The following CNTN2 variants were observed in gnomAD, a reference collection of about 807,000 sequenced individuals.
The protein encoded by CNTN2 is contactin-2.
Under a neutral mutation model 117.5 loss-of-function variants are expected in CNTN2, and 53 were observed. The ratio of observed to expected loss-of-function variants is 0.45; its 90% CI spans 0.36 to 0.57. The LOEUF (loss-of-function observed/expected upper bound fraction) is 0.57, where lower values mean the gene tolerates loss of function less well. Ranked by LOEUF, CNTN2 falls within the 20% of genes least tolerant of loss-of-function variation. CNTN2 has a pLI of 0.00. For missense variants in CNTN2, 1,106 were observed against 1,404.3 expected (o/e 0.79, Z 3.39); for synonymous variants, 530 against 561.7 (o/e 0.94, Z 0.80).
chr1:205,073,055 C>T lies in CNTN2; in HGVS notation c.2845-13C>T. 6.2e-7 allele frequency: 1 copy of T among 1,613,796 alleles called. No individual in the cohort carries two copies. The highest frequency in any genetic ancestry group is 1.1e-5 in the South Asian group (1 of 91,000). ...GTGTCAGGAAACTCCACCTGGAAAC[C>T]TCCTTCCCACAGATGCTGTACCAGA... On this transcript the variant is annotated splice_polypyrimidine_tract_variant and intron_variant, in intron 21 of 22. Coordinates refer to ENST00000331830, the MANE Select transcript of CNTN2 (RefSeq NM_005076.5). This position sits in a 1 kb window ranked among gnomAD's most constrained non-coding sequence, Gnocchi z 6.3.
At chr1:205,064,542 T>C in intron 11 of CNTN2, 70 bp downstream of exon 11, 1 of 1,596,972 alleles carries the variant, frequency 6.3e-7, no homozygotes, top group Non-Finnish European at 8.6e-7. Flanking sequence ...ATTCCCCTCC[T>C]GTGACAACAG....
intron 1 of CNTN2, among the ~76,000 whole-genome samples, chr1:205,046,075 G>A (rs991516308): frequency 1.3e-5 from 2 of 152,168 alleles, no homozygotes; most frequent in Non-Finnish European, 2.9e-5. Context: ...AAACCACCCA[G>A]AGGCTGTTGC....
chr1:205,043,559 C>A (rs2151178913), intron 1 of CNTN2, among the ~76,000 whole-genome samples, 165 bp downstream of exon 1: 1 of 152,288 alleles, frequency 6.6e-6, no homozygotes, highest in Non-Finnish European at 1.5e-5. Context: ...CTCCCCTCAG[C>A]CCCAGGGTGG....
rs907497961 is a variant in CNTN2 at position 205,058,009 on chromosome 1, G to T, written c.159G>T (p.Thr53=). ...PLSVLFPEES[T]EEQVLLACRA... ...GTGTGCTATTCCCAGAGGAGTCCAC[G>T]GAGGAGCAGGTGTTGCTGGCATGCC... The change falls in exon 3 of 23, where the codon ACG becomes ACT. Residue 53 remains threonine, a synonymous_variant. Transcript: ENST00000331830. This position sits in a 1 kb window ranked among gnomAD's most constrained non-coding sequence, Gnocchi z 4.3. The T allele has an allele frequency of 3.9e-5, 63 of 1,614,124 alleles. No homozygotes were observed. The highest frequency in any genetic ancestry group is 5.3e-5 in the Non-Finnish European group (63 of 1,180,028).
Position 205,077,619 on chromosome 1 carries a change from C to T in CNTN2, c.*3854C>T, listed in dbSNP as rs970030888. On this transcript the variant is annotated 3_prime_UTR_variant, in exon 23 of 23. Transcript: ENST00000331830. ...AGGCACCTGGTAGCTGCGGAACACC[C>T]GTGGACTTGTGTATATGGTCATAGG... 3.9e-5 allele frequency: 6 copies of T among 152,224 alleles called. No individual in the cohort carries two copies. The highest frequency in any genetic ancestry group is 5.9e-5 in the Non-Finnish European group (4 of 68,068). The allele number at this position is 152,224 out of a possible 1,614,324, so 9.4% of individuals were successfully genotyped here.
rs149630443 is a variant in CNTN2, at chr1:205,053,248, C to T, written c.63C>T (p.Ser21=). The change falls in exon 2 of 23, where the codon TCC becomes TCT. Residue 21 remains serine (S), a synonymous_variant. Coordinates refer to ENST00000331830, the MANE Select transcript of CNTN2 (RefSeq NM_005076.5). ...TGGTAGCTGCTGTGGCCCTTGTCTC[C>T]TCTTCAGGTAAGAGGGCTCATCTGG... ...LLLVAAVALV[S]SSAWSSALGS... The T allele has an allele frequency of 7.5e-4, 1,210 of 1,612,632 alleles. 2 individuals are homozygous for T. The highest frequency in any genetic ancestry group is 1.7e-3 in the South Asian group (152 of 90,728).
chr1:205,064,724 A>T lies in CNTN2; in HGVS notation c.1493A>T (p.Asn498Ile). The T allele has an allele frequency of 6.2e-7, 1 of 1,614,152 alleles. No homozygotes were observed. Residue 498 changes from asparagine (N) to isoleucine (I), a missense_variant, in exon 12 of 23, where the codon AAC becomes ATC. Asn to Ile is a moderately radical substitution (Grantham distance 149). Transcript: ENST00000331830. Reference sequence around the variant, plus strand: ...GCTGAGAACTTCATGGGCAAAGCCAACAGCACTGGAATCCTATCTGTGCGA... The same window carrying T: ...GCTGAGAACTTCATGGGCAAAGCCATCAGCACTGGAATCCTATCTGTGCGA... ...CFAENFMGKA[N>I]STGILSVRDA...
intron 20 of CNTN2, 122 bp downstream of exon 20, chr1:205,072,255 A>C: frequency 9.3e-7 from 1 of 1,071,188 alleles, no homozygotes; most frequent in Non-Finnish European, 1.3e-6. Context: ...CTGAACAGAA[A>C]TTAGGCAGCG....
At position 205,069,540 on chromosome 1, in the gene CNTN2, A is replaced by T; in HGVS notation, c.2175A>T (p.Gly725=). ...SGLSGGGGAP[G]ELIVNWTPMS... is the part of the protein sequence containing the mutation. ...TCAGCGGAGGAGGTGGAGCCCCCGG[A>T]GAGCTCATCGTCAACTGGACGGTAA... is the stretch of plus-strand genomic sequence containing the variant. Residue 725 remains glycine (G), a synonymous_variant, in exon 17 of 23, where the codon GGA becomes GGT. Coordinates refer to ENST00000331830, the MANE Select transcript of CNTN2 (RefSeq NM_005076.5). 5 of 1,613,802 alleles carry T rather than the reference A, an allele frequency of 3.1e-6. No homozygotes were observed. The highest frequency in any genetic ancestry group is 4.2e-6 in the Non-Finnish European group (5 of 1,180,006).
Position 205,061,226 on chromosome 1 carries a change from G to T in CNTN2, c.798-19G>T. 6.3e-7 allele frequency: 1 copy of T among 1,594,716 alleles called. No homozygotes were observed. The highest frequency in any genetic ancestry group is 1.8e-4 in the Middle Eastern group (1 of 5,480). On this transcript the variant is annotated intron_variant, in intron 7 of 22. Transcript: ENST00000331830. The surrounding 1 kb of genome is among the most constrained non-coding windows in gnomAD (Gnocchi z 4.8). ...GGCCCAGCTCAGCCCACACCCTCTG[G>T]CTTTGTCTCTCCTGCCAGCCCTGTC...
rs980146480 is a variant in CNTN2 at position 205,048,724 on chromosome 1, G to A, written c.-86-4376G>A. 6.6e-6 allele frequency among the ~76,000 whole-genome samples: 1 copy of A among 152,188 alleles called. No individual in the cohort carries two copies. Among genetic ancestry groups the A allele is most frequent in the African/African-American group, 2.4e-5 (1 of 41,442 alleles). ...CGGTGAACTCATGAGCGCATTCTAGGCTGCACTCGGGCGGTCGGGGAGCTC... is the reference window on the plus strand; with the variant it reads ...CGGTGAACTCATGAGCGCATTCTAGACTGCACTCGGGCGGTCGGGGAGCTC... On this transcript the variant is annotated intron_variant, in intron 1 of 22. Coordinates refer to ENST00000331830, the MANE Select transcript of CNTN2 (RefSeq NM_005076.5). The surrounding 1 kb of genome is among the most constrained non-coding windows in gnomAD (Gnocchi z 4.1).
chr1:205,059,276 T>A lies in CNTN2; in HGVS notation c.680T>A (p.Leu227His). 1 of 1,613,840 alleles carries A rather than the reference T, an allele frequency of 6.2e-7. No individual in the cohort carries two copies. Among genetic ancestry groups the A allele is most frequent in the Non-Finnish European group, 8.5e-7 (1 of 1,179,912 alleles). Residue 227 changes from leucine (L) to histidine (H), a missense_variant, in exon 6 of 23, where the codon CTC becomes CAC. By Grantham distance (99) the Leu-to-His change is moderately conservative (BLOSUM62 -3). Transcript: ENST00000331830. This position sits in a 1 kb window ranked among gnomAD's most constrained non-coding sequence, Gnocchi z 5.6. ...TKSVFSKFAQ[L>H]NLAAEDTRLF... is the part of the protein sequence containing the mutation. ...AGCGTCTTCAGCAAGTTTGCTCAGCTCAACCTGGCTGCTGAAGGTCAGGCT... is the reference window on the plus strand; with the variant it reads ...AGCGTCTTCAGCAAGTTTGCTCAGCACAACCTGGCTGCTGAAGGTCAGGCT...
intron 15 of CNTN2, 59 bp downstream of exon 15, chr1:205,066,658 G>A: frequency 6.3e-7 from 1 of 1,584,260 alleles, no homozygotes; most frequent in South Asian, 1.2e-5. Flanking sequence ...GTAGGAGGTG[G>A]AAAGGGTCAA....
rs1056947795 is a variant in CNTN2, at chr1:205,073,537, G to A, written c.3014-119G>A. Reference sequence around the variant, plus strand: ...GTCGGACTGAGAAGACCACCCAGCCGTCCGCTCCCAGGCCTGCAGCTGGCC... The same window carrying A: ...GTCGGACTGAGAAGACCACCCAGCCATCCGCTCCCAGGCCTGCAGCTGGCC... On this transcript the variant is annotated intron_variant, in intron 22 of 22. Coordinates refer to ENST00000331830, the MANE Select transcript of CNTN2 (RefSeq NM_005076.5). This position sits in a 1 kb window ranked among gnomAD's most constrained non-coding sequence, Gnocchi z 6.3. 44 of 917,504 alleles carry A rather than the reference G, an allele frequency of 4.8e-5. No individual in the cohort carries two copies. Among genetic ancestry groups the A allele is most frequent in the African/African-American group, 9.8e-5 (6 of 60,984 alleles). 56.8% of individuals were successfully genotyped at this position (917,504 alleles called of 1,614,324 possible). A position where few individuals can be genotyped will look rare whatever the true frequency, so the allele number is the denominator to read the frequency against.
chr1:205,069,567 CT>C lies in CNTN2; in HGVS notation c.2196+7del. The C allele has an allele frequency of 2.5e-6, 4 of 1,612,262 alleles. No individual in the cohort carries two copies. The highest frequency in any genetic ancestry group is 3.4e-6 in the Non-Finnish European group (4 of 1,179,916). The stretch of plus-strand genomic sequence containing the variant: ...AGCTCATCGTCAACTGGACGGTAAG[CT>C]GCAAGGGTCAGATGTCCTCCTCCTC... On this transcript the variant is annotated splice_region_variant and intron_variant, in intron 17 of 22. Transcript: ENST00000331830.
Position 205,053,288 on chromosome 1 carries a change from CAGGCATGATTAT to C in CNTN2, c.70+36_70+47del. ...GGCTCATCTGGGCTTTGAAGCCTAG[CAGGCATGATTAT>C]AGTGTTATATCCTTGCTATGATTTG... On this transcript the variant is annotated intron_variant, in intron 2 of 22. Transcript: ENST00000331830. 6 of 1,573,824 alleles carry C rather than the reference CAGGCATGATTAT, an allele frequency of 3.8e-6. No homozygotes were observed. In the South Asian group the frequency reaches 5.6e-5, roughly 15 times the overall value.
intron 16 of CNTN2, chr1:205,068,708 G>T (rs1654429334): frequency 6.6e-6 from 1 of 152,176 alleles, no homozygotes. Flanking sequence ...CCTGAAAAGG[G>T]CAATAATAAC....
chr1:205,074,978 C>A lies in CNTN2; in HGVS notation c.*1213C>A. 1 of 398,346 alleles carries A rather than the reference C, an allele frequency of 2.5e-6. No individual in the cohort carries two copies. Among genetic ancestry groups the A allele is most frequent in the South Asian group, 1.3e-4 (1 of 7,566 alleles). The allele number at this position is 398,346 out of a possible 1,614,324, so 24.7% of individuals were successfully genotyped here. A position where few individuals can be genotyped will look rare whatever the true frequency, so the allele number is the denominator to read the frequency against. On this transcript the variant is annotated 3_prime_UTR_variant, in exon 23 of 23. Transcript: ENST00000331830. ...CCTGAGCTCTGGGTATACTACCAGT[C>A]ACAGAACGTCAGAGCTGGAAGAAGC...
At chr1:205,054,221 C>T (rs12134459) in intron 2 of CNTN2, among the ~76,000 whole-genome samples, 53,831 of 152,174 alleles carry the variant, frequency 0.35, 11,851 homozygotes, top group Non-Finnish European at 0.5. Context: ...CAGACTCCAC[C>T]TCCCCTACCC....
Sources: gnomAD v4.1 joint callset for allele counts (sites outside exome capture counted in the v4.1 genomes callset) on GRCh38, gnomAD v4.1.1 for gene constraint, Gnocchi (gnomAD v3.1) non-coding constraint, MANE v1.5 for transcripts, NCBI Gene and HGNC (gene_info 2026-07-23, HGNC 2026-07-21) for gene names.